The following GRIP2 variants were observed in gnomAD, a reference collection of about 807,000 sequenced individuals.
GRIP2 encodes the protein glutamate receptor interacting protein 2.
In GRIP2, 58 loss-of-function variants were observed where a neutral mutation model predicts 108.3. The ratio of observed to expected loss-of-function variants is 0.54; its 90% CI spans 0.43 to 0.67. GRIP2 has a LOEUF of 0.67. GRIP2 is among the 30% of genes least tolerant of loss of function. The pLI is 0.00. For synonymous variants in GRIP2, 586 were observed against 598.2 expected (o/e 0.98, Z 0.30); for missense variants, 1,278 against 1,430.6 (o/e 0.89, Z 1.72).
At position 14,524,445 on chromosome 3, in the gene GRIP2, C is replaced by T. The variant is rs771439958; in HGVS notation, c.351G>A (p.Lys117=). The part of the protein sequence containing the change: ...LRHDEIITLL[K]NVGERVVLEV... ...CCAGCACCACGCGCTCGCCCACATT[C>T]TTGAGCAGGGTGATGATCTCATCGT... Residue 117 remains lysine (K), a synonymous_variant, in exon 4 of 24, where the codon AAG becomes AAA. Transcript: ENST00000621039. The T allele has an allele frequency of 5.6e-6, 9 of 1,605,092 alleles. No homozygotes were observed. The highest frequency in any genetic ancestry group is 6.8e-6 in the Non-Finnish European group (8 of 1,176,104).
At chr3:14,577,311 T>C in the GRIP2 span, among the ~76,000 whole-genome samples, 1 of 152,326 alleles carries the variant, frequency 6.6e-6, no homozygotes, top group South Asian at 2.1e-4. Context: ...GAAAAATGTT[T>C]GTGAGTCAGA....
At chr3:14,526,605 C>T (rs1694560377) in intron 1 of GRIP2, among the ~76,000 whole-genome samples, 1 of 152,240 alleles carries the variant, frequency 6.6e-6, no homozygotes, top group Non-Finnish European at 1.5e-5. Flanking sequence ...TTGTTTCCAA[C>T]AGCTCTCTCT....
Position 14,509,809 on chromosome 3 carries a change from C to A in GRIP2, c.2078+11G>T, listed in dbSNP as rs1201686953. Reference sequence around the variant, plus strand: ...GAGCCCACCATGCGTCCCCACAGAGCCCCAGTTCACCTCTCAGCCAGGCCA... The same window carrying A: ...GAGCCCACCATGCGTCCCCACAGAGACCCAGTTCACCTCTCAGCCAGGCCA... On this transcript the variant is annotated intron_variant, in intron 17 of 23. Transcript: ENST00000621039. 2 of 1,468,172 alleles carry A rather than the reference C, an allele frequency of 1.4e-6. No individual in the cohort carries two copies. Among genetic ancestry groups the A allele is most frequent in the Non-Finnish European group, 1.8e-6 (2 of 1,100,286 alleles). 90.9% of individuals were successfully genotyped at this position (1,468,172 alleles called of 1,614,324 possible).
At position 14,506,940 on chromosome 3, in the gene GRIP2, G is replaced by C; in HGVS notation, c.2259C>G (p.Thr753=). The C allele has an allele frequency of 6.2e-7, 1 of 1,608,160 alleles. No individual in the cohort carries two copies. The highest frequency in any genetic ancestry group is 8.5e-7 in the Non-Finnish European group (1 of 1,177,346). Residue 753 remains threonine, a synonymous_variant, in exon 19 of 24, where the codon ACC becomes ACG. Coordinates refer to ENST00000621039, the MANE Select transcript of GRIP2 (RefSeq NM_001080423.4). ...CTGCTGGGTCCTCATCAGCATCACT[G>C]GTCTCACTGAGGCTGCCCGACTTGC... is the stretch of plus-strand genomic sequence containing the variant. ...LPRKSGSLSE[T]SDADEDPADA...
chr3:14,588,162 G>A, the GRIP2 span, among the ~76,000 whole-genome samples: 1 of 152,174 alleles, frequency 6.6e-6, no homozygotes, highest in African/African-American at 2.4e-5. Context: ...GTTCCTGGAG[G>A]GCAGAGTTCA....
chr3:14,537,399 C>T (rs1478028289), intron 1 of GRIP2, among the ~76,000 whole-genome samples: 4 of 152,262 alleles, frequency 2.6e-5, no homozygotes. Flanking sequence ...GGGCAATCAA[C>T]ACCATCTAAA....
At chr3:14,508,619 G>A (rs1470573907) in intron 17 of GRIP2, among the ~76,000 whole-genome samples, 1 of 152,104 alleles carries the variant, frequency 6.6e-6, no homozygotes, top group Admixed American at 6.5e-5. Context: ...TGGGCTCCGG[G>A]AGGGGACCAG....
chr3:14,558,254 G>A (rs1695265983), upstream of GRIP2, among the ~76,000 whole-genome samples: 1 of 152,218 alleles, frequency 6.6e-6, no homozygotes, highest in African/African-American at 2.4e-5. Flanking sequence ...CTAGCCACCA[G>A]ACTAGGCCGC....
the GRIP2 span, among the ~76,000 whole-genome samples, chr3:14,567,692 C>T: frequency 6.6e-6 from 1 of 152,148 alleles, no homozygotes; most frequent in Non-Finnish European, 1.5e-5. Flanking sequence ...TATTCCCAGG[C>T]CCAAAGCATT....
chr3:14,530,922 T>C (rs540525509), intron 1 of GRIP2: 3 of 152,362 alleles, frequency 2.0e-5, no homozygotes, highest in East Asian at 3.9e-4. Context: ...TTATTGACTA[T>C]AGTCACCCTA....
chr3:14,534,067 C>A (rs1365800192), intron 1 of GRIP2, among the ~76,000 whole-genome samples: 1 of 152,158 alleles, frequency 6.6e-6, no homozygotes, highest in African/African-American at 2.4e-5. Context: ...GCACCCAAGA[C>A]CCCCTGGCAT....
At chr3:14,555,865 T>C (rs927209185) in intron 1 of GRIP2, 27 of 398,904 alleles carry the variant, frequency 6.8e-5, no homozygotes, top group Non-Finnish European at 1.1e-4. Context: ...GAAGTCCCTC[T>C]GGGCCCCTCG....
intron 11 of GRIP2, among the ~76,000 whole-genome samples, chr3:14,515,676 C>G (rs1238795017): frequency 6.6e-6 from 1 of 152,036 alleles, no homozygotes; most frequent in Non-Finnish European, 1.5e-5. Flanking sequence ...CACTGTGTCG[C>G]CCAGGGTGGA....
Position 14,525,456 on chromosome 3 carries a change from G to A in GRIP2, c.238C>T (p.Pro80Ser), listed in dbSNP as rs1315111590. 3.1e-6 allele frequency: 5 copies of A among 1,612,500 alleles called. No individual in the cohort carries two copies. In the Admixed American group the frequency reaches 5.0e-5, roughly 16 times the overall value. The change falls in exon 3 of 24, where the codon CCT becomes TCT. Residue 80 changes from proline (P) to serine (S), a missense_variant. Coordinates refer to ENST00000621039, the MANE Select transcript of GRIP2 (RefSeq NM_001080423.4). ...TCTCACCTGGCTGCAAGTCCCCCAG[G>A]TCTCAGGTTGGAGACCCTGGGCTTT... ...DGKPRVSNLR[P>S]GGLAARSDLL...
chr3:14,540,258 C>T lies in GRIP2; in HGVS notation c.40+11G>A, dbSNP rs756304635. On this transcript the variant is annotated intron_variant, in intron 1 of 23. Transcript: ENST00000621039. This position sits in a 1 kb window ranked among gnomAD's most constrained non-coding sequence, Gnocchi z 4.1. ...CCCCATCACTCTGCCCACAGACCCC[C>T]CATTACGTACCCGCCTCTCCAGGGG... 6.2e-7 allele frequency: 1 copy of T among 1,613,470 alleles called. No individual in the cohort carries two copies. Among genetic ancestry groups the T allele is most frequent in the Non-Finnish European group, 8.5e-7 (1 of 1,179,634 alleles).
chr3:14,521,907 A>C lies in GRIP2; in HGVS notation c.567-120T>G. ...GAAGCAGGGAATGGGTGGGGGAGGA[A>C]GGGGAGGAGGGGACGGGTGAAGGGG... On this transcript the variant is annotated intron_variant, in intron 6 of 23. Coordinates refer to ENST00000621039, the MANE Select transcript of GRIP2 (RefSeq NM_001080423.4). The surrounding 1 kb of genome is among the most constrained non-coding windows in gnomAD (Gnocchi z 5.1). The C allele has an allele frequency of 3.5e-5, 16 of 462,648 alleles. No homozygotes were observed. The East Asian group carries it at 4.1e-4, about 12-fold the overall frequency. 28.7% of individuals were successfully genotyped at this position (462,648 alleles called of 1,614,324 possible). A position where few individuals can be genotyped will look rare whatever the true frequency, so the allele number is the denominator to read the frequency against.
the GRIP2 span, among the ~76,000 whole-genome samples, chr3:14,571,573 G>A: frequency 6.6e-6 from 1 of 152,196 alleles, no homozygotes; most frequent in South Asian, 2.1e-4. Context: ...AAGGGCCTCA[G>A]GCCTGAAGAA....
chr3:14,544,601 G>A (rs192013760), upstream of GRIP2, among the ~76,000 whole-genome samples: 1 of 152,260 alleles, frequency 6.6e-6, no homozygotes, highest in African/African-American at 2.4e-5. Flanking sequence ...TGGGTGAGAG[G>A]GAGGCAGCAA....
At chr3:14,598,253 A>G in the GRIP2 span, among the ~76,000 whole-genome samples, 1 of 151,836 alleles carries the variant, frequency 6.6e-6, no homozygotes, top group African/African-American at 2.4e-5. Flanking sequence ...GAGCAGCAGG[A>G]GTGAGGAGCC....
Sources: allele counts gnomAD v4.1 joint callset (sites outside exome capture counted in the v4.1 genomes callset), GRCh38; gene constraint gnomAD v4.1.1; non-coding constraint Gnocchi (gnomAD v3.1); transcripts MANE v1.5; gene names NCBI Gene and HGNC (gene_info 2026-07-23, HGNC 2026-07-21).